LY6G5B: variants seen among roughly 807,000 people sequenced by gnomAD.
LY6G5B encodes the protein lymphocyte antigen 6 family member G5B, also known as lymphocyte antigen 6 complex locus protein G5b.
LY6G5B carries 6 observed loss-of-function variants against 6.7 expected under a neutral mutation model. The ratio of observed to expected loss-of-function variants is 0.89; its 90% CI spans 0.49 to 1.76. The LOEUF is 1.76. Ranked by LOEUF, LY6G5B falls within the 40% of genes most tolerant of loss-of-function variation. The pLI is 0.01. For synonymous variants in LY6G5B, 98 were observed against 99.4 expected, an observed-to-expected ratio of 0.99 and a Z score of 0.09; for missense variants, 240 against 249.5, an observed-to-expected ratio of 0.96 and a Z score of 0.26.
At position 31,672,203 on chromosome 6, in the gene LY6G5B, GC is replaced by G; in HGVS notation, c.529del (p.Arg177AlafsTer20). The G allele has an allele frequency of 8.1e-6, 13 of 1,613,058 alleles. No individual in the cohort carries two copies. The highest frequency in any genetic ancestry group is 9.3e-6 in the Non-Finnish European group (11 of 1,180,032). On this transcript the variant is annotated frameshift_variant, in exon 3 of 3. Coordinates refer to ENST00000375864, the Ensembl canonical transcript of LY6G5B. LOFTEE classifies it low-confidence loss of function (END_TRUNC). The stretch of plus-strand genomic sequence containing the variant: ...CTGGGCTTGTCTTTTGCTGAGCTGC[GC>G]CGCATGTACTTGTTCCTCAATAGTT...
chr6:31,671,857 C>T lies in LY6G5B; in HGVS notation c.188-7C>T, dbSNP rs1393440454. On this transcript the variant is annotated splice_polypyrimidine_tract_variant and splice_region_variant and intron_variant, in intron 2 of 2. Transcript: ENST00000375864. ...GAAGGGGTTATCAGCTTTCCCCTCT[C>T]CCTCAGATGTCAAGGTTCGCTTCAT... 34 of 1,601,208 alleles carry T rather than the reference C, an allele frequency of 2.1e-5. No homozygotes were observed. Among genetic ancestry groups the T allele is most frequent in the Non-Finnish European group, 2.8e-5 (33 of 1,171,552 alleles).
At chr6:31,671,320 C>T (rs752217465) in intron 2 of LY6G5B, 36 bp downstream of exon 2, 1 of 1,611,696 alleles carries the variant, frequency 6.2e-7, no homozygotes, top group African/African-American at 1.3e-5. Flanking sequence ...GCTGGTGGGG[C>T]AGCCAATGGC....
At chr6:31,671,325 A>G (rs758931180) in intron 2 of LY6G5B, 41 bp downstream of exon 2, 29 of 1,611,234 alleles carry the variant, frequency 1.8e-5, no homozygotes, top group Non-Finnish European at 2.3e-5. Flanking sequence ...TGGGGCAGCC[A>G]ATGGCTTGGT....
chr6:31,672,039 C>T, exon 3 of LY6G5B: 1 of 1,613,084 alleles, frequency 6.2e-7, no homozygotes, highest in Non-Finnish European at 8.5e-7. Context: ...AGCCCCATGA[C>T]AGGCCCCTGG....
chr6:31,671,932 A>G (rs370216447), exon 3 of LY6G5B: 3 of 1,612,966 alleles, frequency 1.9e-6, no homozygotes, highest in African/African-American at 1.3e-5. Flanking sequence ...AGAAAAACGC[A>G]ACACCTACTT....
exon 1 of LY6G5B, chr6:31,670,610 C>T (rs537507966): frequency 1.2e-5 from 4 of 324,852 alleles, no homozygotes; most frequent in East Asian, 5.3e-5. Context: ...AACCCATGGA[C>T]TTTCCAAGGG....
chr6:31,671,041 G>T, intron 1 of LY6G5B, 33 bp downstream of exon 1: 1 of 1,609,914 alleles, frequency 6.2e-7, no homozygotes, highest in Non-Finnish European at 8.5e-7. Context: ...GAGGGAGGAA[G>T]GGGTAACTGA....
At chr6:31,671,264 T>C (rs1274861609) in exon 2 of LY6G5B, 1 of 1,613,826 alleles carries the variant, frequency 6.2e-7, no homozygotes, top group African/African-American at 1.3e-5. Context: ...TCCCTGTGCA[T>C]GGTGATCACC....
At chr6:31,670,703 T>G in exon 1 of LY6G5B, 1 of 527,318 alleles carries the variant, frequency 1.9e-6, no homozygotes, top group Non-Finnish European at 3.3e-6. Flanking sequence ...TTACCCCATC[T>G]GGGCCATTAC....
At chr6:31,671,223 A>C in exon 2 of LY6G5B, 1 of 1,614,052 alleles carries the variant, frequency 6.2e-7, no homozygotes, top group Non-Finnish European at 8.5e-7. Context: ...GATGCATTTC[A>C]GGCTCAGAGA....
exon 3 of LY6G5B, chr6:31,672,004 C>T: frequency 1.2e-6 from 2 of 1,613,074 alleles, no homozygotes; most frequent in Non-Finnish European, 8.5e-7. Flanking sequence ...CTGGTCAAGC[C>T]CCCAACTCCA....
At chr6:31,670,859 A>G in exon 1 of LY6G5B, 1 of 1,399,820 alleles carries the variant, frequency 7.1e-7, no homozygotes, top group Non-Finnish European at 9.7e-7. Flanking sequence ...TGTCAAAACC[A>G]CCCTGCAGCT....
At position 31,670,649 on chromosome 6, in the gene LY6G5B, G is replaced by A. The variant is rs1277058367; in HGVS notation, c.-302G>A. 3 of 432,850 alleles carry A rather than the reference G, an allele frequency of 6.9e-6. No homozygotes were observed. In the East Asian group the frequency reaches 1.1e-4, roughly 16 times the overall value. 26.8% of individuals were successfully genotyped at this position (432,850 alleles called of 1,614,324 possible). On this transcript the variant is annotated 5_prime_UTR_variant, in exon 1 of 3. Transcript: ENST00000375864. Reference sequence around the variant, plus strand: ...GAATAGGTCTTTGGAGGGTATGCAAGACAAAGGTAGACACTGGATAAAGAA... The same window carrying A: ...GAATAGGTCTTTGGAGGGTATGCAAAACAAAGGTAGACACTGGATAAAGAA...
At chr6:31,671,075 G>A (rs1411158945) in intron 1 of LY6G5B, 67 bp downstream of exon 1, 24 of 1,610,476 alleles carry the variant, frequency 1.5e-5, no homozygotes, top group Non-Finnish European at 2.0e-5. Flanking sequence ...GTGGAGCGTG[G>A]CCATGGATAA....
exon 1 of LY6G5B, chr6:31,670,929 C>T: frequency 6.3e-7 from 1 of 1,586,106 alleles, no homozygotes; most frequent in Non-Finnish European, 8.6e-7. Flanking sequence ...TCAGGAACTG[C>T]CCATCTCCCC....
exon 3 of LY6G5B, chr6:31,672,662 T>C: frequency 4.8e-6 from 1 of 208,802 alleles, no homozygotes; most frequent in Non-Finnish European, 9.7e-6. Context: ...GTCAGGCTGG[T>C]CTCGAACTCC....
In LY6G5B at chr6:31,671,920, C is replaced by T; in HGVS notation, c.244C>T (p.Gln82Ter). 1 of 1,613,082 alleles carries T rather than the reference C, an allele frequency of 6.2e-7. No individual in the cohort carries two copies. Among genetic ancestry groups the T allele is most frequent in the South Asian group, 1.1e-5 (1 of 91,086 alleles). Residue 82 changes from glutamine to a stop codon, truncating the protein, a stop_gained, in exon 3 of 3, where the codon CAA (glutamine) becomes TAA (stop). Coordinates refer to ENST00000375864, the Ensembl canonical transcript of LY6G5B. LOFTEE classifies it low-confidence loss of function (END_TRUNC). ...TGGACAGTACATTTCCTACCGCTGC[C>T]AAGAAAAACGCAACACCTACTTTGC...
chr6:31,671,398 G>T, intron 2 of LY6G5B, 114 bp downstream of exon 2: 2 of 1,459,046 alleles, frequency 1.4e-6, no homozygotes, highest in African/African-American at 2.8e-5. Context: ...AGGAGGGGCT[G>T]AGTGCAATGG....
At chr6:31,670,359 C>T (rs1248686277) in exon 1 of LY6G5B, 2 of 179,578 alleles carry the variant, frequency 1.1e-5, no homozygotes, top group African/African-American at 2.4e-5. Context: ...GCAGCTCCAT[C>T]TTTTAGTTTT....
Sources: gnomAD v4.1 joint callset for allele counts on GRCh38, gnomAD v4.1.1 for gene constraint, MANE v1.5 for transcripts, NCBI Gene and HGNC (gene_info 2026-07-23, HGNC 2026-07-21) for gene names.